SNRPD1: variants seen among roughly 807,000 people sequenced by gnomAD.
The protein encoded by SNRPD1 is small nuclear ribonucleoprotein D1 polypeptide.
Under a neutral mutation model 14.4 loss-of-function variants are expected in SNRPD1, and 1 was observed. The ratio of observed to expected loss-of-function variants is 0.07; its 90% CI spans 0.02 to 0.33. The LOEUF is 0.33. SNRPD1 is among the 10% of genes least tolerant of loss of function. The pLI, the probability that SNRPD1 is intolerant of heterozygous loss-of-function variation, is 1.00. For synonymous variants in SNRPD1, 42 were observed against 50.3 expected, an observed-to-expected ratio of 0.83 and a Z score of 0.70; for missense variants, 52 against 146.4, an observed-to-expected ratio of 0.36 and a Z score of 3.33.
At chr18:21,617,492 C>T (rs2038966072) in intron 1 of SNRPD1, among the ~76,000 whole-genome samples, 1 of 152,142 alleles carries the variant, frequency 6.6e-6, no homozygotes, top group African/African-American at 2.4e-5. Flanking sequence ...AATTTGTCTT[C>T]CTAGAGATTA....
intron 3 of SNRPD1, among the ~76,000 whole-genome samples, chr18:21,626,735 G>A (rs561241444): frequency 7.9e-5 from 12 of 150,990 alleles, no homozygotes; most frequent in Non-Finnish European, 1.5e-4. Context: ...GTAGTGACCC[G>A]AGATCGCACT....
In SNRPD1 at chr18:21,612,454, G is replaced by C; in HGVS notation, c.14+11G>C. 1 of 1,541,448 alleles carries C rather than the reference G, an allele frequency of 6.5e-7. No homozygotes were observed. The highest frequency in any genetic ancestry group is 1.2e-5 in the South Asian group (1 of 83,602). On this transcript the variant is annotated intron_variant, in intron 1 of 3. Transcript: ENST00000300413. ...GATGAAGCTCGTGAGGTGAGGGAGT[G>C]ACCAAGCAGCTCTGGGGGCTGTGAA... is the stretch of plus-strand genomic sequence containing the variant.
intron 2 of SNRPD1, 36 bp downstream of exon 2, chr18:21,622,837 T>C (rs777330617): frequency 6.7e-6 from 7 of 1,051,226 alleles, no homozygotes; most frequent in African/African-American, 3.1e-5. Flanking sequence ...ACATTTTTTT[T>C]CTTCTCTTTT....
chr18:21,618,196 G>A (rs1293819732), intron 1 of SNRPD1, among the ~76,000 whole-genome samples: 1 of 151,994 alleles, frequency 6.6e-6, no homozygotes, highest in Non-Finnish European at 1.5e-5. Flanking sequence ...GCCAAGGCAG[G>A]CTGATTGCTT....
chr18:21,627,803 G>A (rs554535204), intron 3 of SNRPD1, among the ~76,000 whole-genome samples: 1 of 152,228 alleles, frequency 6.6e-6, no homozygotes, highest in African/African-American at 2.4e-5. Context: ...TTACATTGAT[G>A]TGTCACTACT....
intron 1 of SNRPD1, among the ~76,000 whole-genome samples, chr18:21,614,519 C>T (rs1296318676): frequency 6.6e-6 from 1 of 152,114 alleles, no homozygotes; most frequent in African/African-American, 2.4e-5. Flanking sequence ...GATTGTTTGA[C>T]TAACTGGTTT....
At chr18:21,622,874 G>T in intron 2 of SNRPD1, 73 bp downstream of exon 2, 10 of 710,764 alleles carry the variant, frequency 1.4e-5, no homozygotes, top group Non-Finnish European at 2.2e-5. Flanking sequence ...TTTTTTTATT[G>T]CTTAATGAAC....
At position 21,612,347 on chromosome 18, in the gene SNRPD1, C is replaced by A; in HGVS notation, c.-83C>A. 4.5e-6 allele frequency: 5 copies of A among 1,102,892 alleles called. No homozygotes were observed. The highest frequency in any genetic ancestry group is 6.4e-6 in the Non-Finnish European group (5 of 785,602). 68.3% of individuals were successfully genotyped at this position (1,102,892 alleles called of 1,614,324 possible). A position where few individuals can be genotyped will look rare whatever the true frequency, so the allele number is the denominator to read the frequency against. ...CCGGAGCCCCTGGAGTAGGCGCTTCCGGCCATTCATACTGCAGTCGGTCAG... is the reference window on the plus strand; with the variant it reads ...CCGGAGCCCCTGGAGTAGGCGCTTCAGGCCATTCATACTGCAGTCGGTCAG... On this transcript the variant is annotated 5_prime_UTR_variant, in exon 1 of 4. Coordinates refer to ENST00000300413, the MANE Select transcript of SNRPD1 (RefSeq NM_006938.4).
At chr18:21,612,511 G>A in intron 1 of SNRPD1, 68 bp downstream of exon 1, 2 of 1,257,280 alleles carry the variant, frequency 1.6e-6, no homozygotes, top group Non-Finnish European at 2.2e-6. Flanking sequence ...CGGAAGGCTG[G>A]GCTCTCCCAT....
chr18:21,633,361 T>C lies in SNRPD1; in HGVS notation c.*4223T>C, dbSNP rs1389911202. Reference sequence around the variant, plus strand: ...ACATTTAATAACATACAGTTCTTGTTCCTGAAGACTTAACCTAGAAAATAA... The same window carrying C: ...ACATTTAATAACATACAGTTCTTGTCCCTGAAGACTTAACCTAGAAAATAA... On this transcript the variant is annotated 3_prime_UTR_variant, in exon 4 of 4. Coordinates refer to ENST00000300413, the MANE Select transcript of SNRPD1 (RefSeq NM_006938.4). 1 of 152,180 alleles carries C rather than the reference T, an allele frequency of 6.6e-6. No individual in the cohort carries two copies. Among genetic ancestry groups the C allele is most frequent in the Non-Finnish European group, 1.5e-5 (1 of 68,044 alleles). 9.4% of individuals were successfully genotyped at this position (152,180 alleles called of 1,614,324 possible).
chr18:21,625,652 C>T (rs2146261408), intron 3 of SNRPD1, among the ~76,000 whole-genome samples: 1 of 152,088 alleles, frequency 6.6e-6, no homozygotes, highest in East Asian at 1.9e-4. Context: ...ACTCTGTCGC[C>T]CAGGCTGGAG....
At chr18:21,625,399 C>A (rs1448371834) in intron 3 of SNRPD1, among the ~76,000 whole-genome samples, 1 of 143,852 alleles carries the variant, frequency 7.0e-6, no homozygotes, top group African/African-American at 2.7e-5. Flanking sequence ...TCACTGCAAC[C>A]TCTGCCTCCT....
At chr18:21,623,989 C>T in intron 3 of SNRPD1, 50 bp downstream of exon 3, 2 of 1,053,388 alleles carry the variant, frequency 1.9e-6, no homozygotes, top group East Asian at 2.4e-5. Flanking sequence ...TCCTAATCCA[C>T]ACTATTCATA....
rs1157684070 is a variant in SNRPD1, at chr18:21,631,114, T to C, written c.*1976T>C. On this transcript the variant is annotated 3_prime_UTR_variant, in exon 4 of 4. Transcript: ENST00000300413. ...TCCAAAAAGGGATGTATGAAATTCA[T>C]GATGATTAAGACAATTTTTTCTTTC... The C allele has an allele frequency of 6.6e-6, 1 of 152,054 alleles. No individual in the cohort carries two copies. Among genetic ancestry groups the C allele is most frequent in the South Asian group, 2.1e-4 (1 of 4,820 alleles). The allele number at this position is 152,054 out of a possible 1,614,324, so 9.4% of individuals were successfully genotyped here. A position where few individuals can be genotyped will look rare whatever the true frequency, so the allele number is the denominator to read the frequency against.
At chr18:21,614,141 C>G (rs141793057) in intron 1 of SNRPD1, among the ~76,000 whole-genome samples, 4 of 151,946 alleles carry the variant, frequency 2.6e-5, no homozygotes, top group Admixed American at 2.0e-4. Flanking sequence ...GGCATGGTGG[C>G]GGGCGCCTGT....
At chr18:21,622,053 C>T (rs1362801797) in intron 1 of SNRPD1, among the ~76,000 whole-genome samples, 2 of 152,130 alleles carry the variant, frequency 1.3e-5, no homozygotes, top group Admixed American at 1.3e-4. Context: ...TTCCTACATA[C>T]CCACAGTGCA....
chr18:21,614,452 A>G (rs918234401), intron 1 of SNRPD1, among the ~76,000 whole-genome samples: 5 of 152,194 alleles, frequency 3.3e-5, no homozygotes, highest in Admixed American at 6.5e-5. Context: ...TGTCTTAGGT[A>G]AAATATAGAA....
intron 1 of SNRPD1, among the ~76,000 whole-genome samples, chr18:21,620,347 C>G (rs1366359717): frequency 6.6e-6 from 1 of 152,104 alleles, no homozygotes; most frequent in Non-Finnish European, 1.5e-5. Context: ...GTGATCATCC[C>G]ACCTTGGCCT....
chr18:21,623,695 A>G lies in SNRPD1; in HGVS notation c.92-53A>G, dbSNP rs2039014932. The stretch of plus-strand genomic sequence containing the variant: ...TTTACTGTGGCTCAGTAGATTAATT[A>G]GTTGCCTTAACTTGTATCATACTAA... On this transcript the variant is annotated intron_variant, in intron 2 of 3. Transcript: ENST00000300413. The G allele has an allele frequency of 2.4e-6, 3 of 1,250,572 alleles. No individual in the cohort carries two copies. In the South Asian group the frequency reaches 3.9e-5, roughly 16 times the overall value. The allele number at this position is 1,250,572 out of a possible 1,614,324, so 77.5% of individuals were successfully genotyped here. A position where few individuals can be genotyped will look rare whatever the true frequency, so the allele number is the denominator to read the frequency against.
Sources: gnomAD v4.1 joint callset for allele counts (sites outside exome capture counted in the v4.1 genomes callset) on GRCh38, gnomAD v4.1.1 for gene constraint, MANE v1.5 for transcripts, NCBI Gene and HGNC (gene_info 2026-07-23, HGNC 2026-07-21) for gene names.